MAOB: variants seen among roughly 807,000 people sequenced by gnomAD.
MAOB encodes the protein amine oxidase [flavin-containing] B.
MAOB carries 15 observed loss-of-function variants against 41.9 expected under a neutral mutation model. The ratio of observed to expected loss-of-function variants is 0.36; its 90% CI spans 0.24 to 0.55. The LOEUF (loss-of-function observed/expected upper bound fraction) is 0.55, where lower values mean the gene tolerates loss of function less well. Ranked by LOEUF, MAOB falls within the 20% of genes least tolerant of loss-of-function variation. The pLI is 0.86. For missense variants in MAOB, 345 were observed against 398.7 expected (o/e 0.87, Z 1.15); for synonymous variants, 167 against 144.2 (o/e 1.16, Z -1.13).
chrX:43,767,472 T>G lies in MAOB; in HGVS notation c.1557A>C (p.Arg519Ser). 1 of 1,209,022 alleles carries G rather than the reference T, an allele frequency of 8.3e-7. No individual in the cohort carries two copies. The highest frequency in any genetic ancestry group is 1.1e-6 in the Non-Finnish European group (1 of 894,154). Residue 519 changes from arginine to serine, a missense_variant, in exon 15 of 15, where the codon AGA becomes AGC. By Grantham distance (110) the Arg-to-Ser change is moderately radical (BLOSUM62 -1). Transcript: ENST00000378069. ...FLAHKRGLLV[R>S]V ...TTACAGACACCCTCTCTCTTTAGAC[T>G]CTCACAAGTAGCCCCCTTTTGTGGG...
intron 12 of MAOB, among the ~76,000 whole-genome samples, chrX:43,770,149 A>T (rs1244227844): frequency 9.0e-6 from 1 of 111,309 alleles, no homozygotes; most frequent in Admixed American, 9.5e-5. Context: ...TGCTAAAAAA[A>T]ACTATGTTAC....
chrX:43,838,118 C>T (rs760917265), intron 3 of MAOB: 71 of 247,635 alleles, frequency 2.9e-4, no homozygotes, highest in African/African-American at 1.8e-3. Flanking sequence ...AGCCTTCCCC[C>T]GCCCACCAAA....
At chrX:43,877,534 C>T (rs1411735529) in intron 1 of MAOB, among the ~76,000 whole-genome samples, 3 of 111,642 alleles carry the variant, frequency 2.7e-5, no homozygotes, top group East Asian at 2.8e-4. Context: ...ATGTAGATAA[C>T]GCTTGATATG....
intron 9 of MAOB, among the ~76,000 whole-genome samples, chrX:43,781,189 C>A (rs2034327460): frequency 9.0e-6 from 1 of 111,501 alleles, no homozygotes; most frequent in Non-Finnish European, 1.9e-5. Flanking sequence ...ATGTCTACCC[C>A]CAACACTAAA....
intron 13 of MAOB, 36 bp from the exon 14 acceptor site, chrX:43,768,752 T>C (rs1799836): frequency 0.46 from 515,191 of 1,110,769 alleles, 86,295 homozygotes; most frequent in African/African-American, 0.77. Flanking sequence ...ATAGCAAAAG[T>C]GACACCATCT....
At position 43,802,222 on chromosome X, in the gene MAOB, C is replaced by T. The variant is rs1297705955; in HGVS notation, c.426G>A (p.Glu142=). The T allele has an allele frequency of 8.3e-7, 1 of 1,208,308 alleles. No individual in the cohort carries two copies. Among genetic ancestry groups the T allele is most frequent in the Non-Finnish European group, 1.1e-6 (1 of 893,190 alleles). Residue 142 remains glutamate (E), a synonymous_variant, in exon 5 of 15, where the codon GAG becomes GAA. Transcript: ENST00000378069. ...DAPWKAPLAE[E]WDNMTMKELL... ...GCTCCTTCATTGTCATGTTGTCCCA[C>T]TCTTCTGCAAGGGGAGCCTTCCATG...
chrX:43,835,114 A>C (rs1339955454), intron 3 of MAOB, among the ~76,000 whole-genome samples: 1 of 112,714 alleles, frequency 8.9e-6, no homozygotes, highest in African/African-American at 3.2e-5. Context: ...AGAGCCCAAA[A>C]GAACAAAGAC....
intron 7 of MAOB, among the ~76,000 whole-genome samples, chrX:43,794,779 G>T (rs962044031): frequency 2.0e-4 from 22 of 110,012 alleles, no homozygotes; most frequent in African/African-American, 7.3e-4. Flanking sequence ...TATAAAGTGT[G>T]TGACATTGTT....
At chrX:43,776,928 A>C (rs2034266995) in intron 11 of MAOB, among the ~76,000 whole-genome samples, 1 of 110,808 alleles carries the variant, frequency 9.0e-6, no homozygotes, top group African/African-American at 3.3e-5. Context: ...TGTCCCTACA[A>C]AGGACATGAA....
chrX:43,854,367 G>A (rs1298062934), intron 1 of MAOB, among the ~76,000 whole-genome samples: 6 of 112,271 alleles, frequency 5.3e-5, no homozygotes, highest in Non-Finnish European at 1.1e-4. Context: ...TTGCAGGAAC[G>A]TGGATGAAGC....
At chrX:43,813,429 T>A (rs2034771780) in intron 3 of MAOB, among the ~76,000 whole-genome samples, 2 of 112,285 alleles carry the variant, frequency 1.8e-5, no homozygotes, top group African/African-American at 3.2e-5. Flanking sequence ...TTCTTTCTTC[T>A]TAAACAGCTT....
intron 3 of MAOB, among the ~76,000 whole-genome samples, chrX:43,809,510 T>C (rs2034715438): frequency 8.9e-6 from 1 of 112,635 alleles, no homozygotes; most frequent in Admixed American, 9.3e-5. Context: ...AATCTTCTTT[T>C]GTAAGATTAG....
intron 3 of MAOB, among the ~76,000 whole-genome samples, chrX:43,831,414 C>G (rs1175492603): frequency 2.7e-5 from 3 of 110,186 alleles, no homozygotes; most frequent in African/African-American, 6.6e-5. Context: ...CATGTTGTAC[C>G]ATCAAGTTAA....
chrX:43,776,950 T>A lies in MAOB; in HGVS notation c.1138-1678A>T, dbSNP rs5952687. On this transcript the variant is annotated intron_variant, in intron 11 of 14. Transcript: ENST00000378069. The stretch of plus-strand genomic sequence containing the variant: ...ACAAAGGACATGAACTCATCATTTT[T>A]ATGGCTGCATAGTATTCCATGGTGT... Among the ~76,000 whole-genome samples, 529 of 111,320 alleles carry A rather than the reference T, an allele frequency of 4.8e-3. 2 individuals are homozygous for A. The highest frequency in any genetic ancestry group is 0.016 in the African/African-American group (497 of 30,503).
At chrX:43,852,253 A>G (rs746390214) in intron 1 of MAOB, among the ~76,000 whole-genome samples, 1 of 112,243 alleles carries the variant, frequency 8.9e-6, no homozygotes, top group Non-Finnish European at 1.9e-5. Context: ...ACCCCAAAGC[A>G]TCTAGCCCAA....
intron 7 of MAOB, among the ~76,000 whole-genome samples, chrX:43,795,427 T>G (rs772015430): frequency 3.7e-4 from 41 of 111,458 alleles, no homozygotes; most frequent in African/African-American, 1.2e-3. Flanking sequence ...AACTCGGTCG[T>G]TTTGGGTTTT....
chrX:43,811,491 G>T (rs1311378964), intron 3 of MAOB, among the ~76,000 whole-genome samples: 1 of 111,343 alleles, frequency 9.0e-6, no homozygotes, highest in Non-Finnish European at 1.9e-5. Flanking sequence ...ATGAACAAGG[G>T]TTGTTCTTGG....
intron 8 of MAOB, among the ~76,000 whole-genome samples, chrX:43,782,793 A>G (rs1175698884): frequency 8.9e-6 from 1 of 111,962 alleles, no homozygotes; most frequent in Non-Finnish European, 1.9e-5. Flanking sequence ...CTTATCCACT[A>G]TGATCAAGTC....
chrX:43,832,727 A>T (rs771276036), intron 3 of MAOB, among the ~76,000 whole-genome samples: 1 of 112,082 alleles, frequency 8.9e-6, no homozygotes, highest in Admixed American at 9.5e-5. Flanking sequence ...GTCAAGTTAT[A>T]TAAGAATTTC....
Sources: gnomAD v4.1 joint callset for allele counts (sites outside exome capture counted in the v4.1 genomes callset) on GRCh38, gnomAD v4.1.1 for gene constraint, MANE v1.5 for transcripts, NCBI Gene and HGNC (gene_info 2026-07-23, HGNC 2026-07-21) for gene names.